The following ATRNL1 variants were observed in gnomAD, a reference collection of about 807,000 sequenced individuals.
ATRNL1 encodes the protein attractin like 1.
In ATRNL1, 95 loss-of-function variants were observed where a neutral mutation model predicts 182.7. That is an observed-to-expected ratio of 0.52 (90% CI 0.44 to 0.62). The LOEUF (loss-of-function observed/expected upper bound fraction) is 0.62, where lower values mean the gene tolerates loss of function less well. Ranked by LOEUF, ATRNL1 falls within the 20% of genes least tolerant of loss-of-function variation. The pLI is 0.00. For missense variants in ATRNL1, 1,471 were observed against 1,679.5 expected (o/e 0.88, Z 2.17); for synonymous variants, 576 against 568.3 (o/e 1.01, Z -0.19).
intron 26 of ATRNL1, among the ~76,000 whole-genome samples, chr10:115,567,210 A>G (rs1465930105): frequency 6.6e-6 from 1 of 152,178 alleles, no homozygotes; most frequent in Non-Finnish European, 1.5e-5. Context: ...TAGCTAGGTG[A>G]TTATTATCTA....
intron 9 of ATRNL1, among the ~76,000 whole-genome samples, chr10:115,239,475 G>T (rs112450176): frequency 0.022 from 3,394 of 152,036 alleles, 48 homozygotes; most frequent in South Asian, 0.035. Flanking sequence ...ATCGTGATTC[G>T]CCCACTTCGG....
intron 7 of ATRNL1, among the ~76,000 whole-genome samples, chr10:115,167,593 C>T (rs1847105248): frequency 6.6e-6 from 1 of 151,704 alleles, no homozygotes; most frequent in African/African-American, 2.4e-5. Context: ...GCTAGGCTGT[C>T]TAAATATGAA....
chr10:115,729,225 C>G (rs2134066174), intron 27 of ATRNL1, among the ~76,000 whole-genome samples: 1 of 152,060 alleles, frequency 6.6e-6, no homozygotes, highest in Non-Finnish European at 1.5e-5. Flanking sequence ...TCTATTTTTT[C>G]CAAATGTTGG....
At chr10:115,350,846 G>A (rs1362782621) in intron 19 of ATRNL1, among the ~76,000 whole-genome samples, 1 of 151,978 alleles carries the variant, frequency 6.6e-6, no homozygotes, top group Non-Finnish European at 1.5e-5. Context: ...TTAATCTGTA[G>A]ATACCTTTGG....
chr10:115,825,683 C>A (rs963240483), intron 27 of ATRNL1, among the ~76,000 whole-genome samples: 2 of 152,146 alleles, frequency 1.3e-5, no homozygotes, highest in African/African-American at 4.8e-5. Context: ...TTAACCATGT[C>A]AAGCTGCATG....
At chr10:115,240,951 C>T (rs1850395744) in intron 9 of ATRNL1, among the ~76,000 whole-genome samples, 1 of 151,932 alleles carries the variant, frequency 6.6e-6, no homozygotes, top group African/African-American at 2.4e-5. Flanking sequence ...TCAATGAGTG[C>T]AATCTATAGA....
rs1158746572 is a variant in ATRNL1 at position 115,568,640 on chromosome 10, A to C, written c.3795+19104A>C. Among the ~76,000 whole-genome samples the C allele has an allele frequency of 3.3e-5, 5 of 152,056 alleles. No individual in the cohort carries two copies. In the East Asian group the frequency reaches 9.6e-4, roughly 29 times the overall value. On this transcript the variant is annotated intron_variant, in intron 26 of 28. Coordinates refer to ENST00000355044, the MANE Select transcript of ATRNL1 (RefSeq NM_207303.4). ...GCAAGAATGTGAGGTAGTGCATAAAAAACAAATGTAGGTTCTTCTATACTA... is the reference window on the plus strand; with the variant it reads ...GCAAGAATGTGAGGTAGTGCATAAACAACAAATGTAGGTTCTTCTATACTA...
chr10:115,161,868 A>T (rs1846802060), intron 6 of ATRNL1, among the ~76,000 whole-genome samples: 1 of 152,114 alleles, frequency 6.6e-6, no homozygotes, highest in East Asian at 1.9e-4. Flanking sequence ...AGGATAAGTC[A>T]TAACTTGATT....
At chr10:115,242,723 A>G (rs1166528404) in intron 10 of ATRNL1, among the ~76,000 whole-genome samples, 1 of 152,092 alleles carries the variant, frequency 6.6e-6, no homozygotes, top group Non-Finnish European at 1.5e-5. Context: ...TTTTACTATT[A>G]CAGTTGTTTC....
chr10:115,236,391 C>T (rs930214293), intron 9 of ATRNL1, among the ~76,000 whole-genome samples: 20 of 152,146 alleles, frequency 1.3e-4, no homozygotes, highest in African/African-American at 4.8e-4. Flanking sequence ...TTTTGCCTTC[C>T]CCTCTTTCAC....
chr10:115,471,899 T>C (rs1848328407), intron 24 of ATRNL1, among the ~76,000 whole-genome samples: 1 of 150,974 alleles, frequency 6.6e-6, no homozygotes, highest in Non-Finnish European at 1.5e-5. Flanking sequence ...GAACTTTTGG[T>C]ATTATATCCA....
At chr10:115,664,738 A>T (rs1555039172) in intron 26 of ATRNL1, among the ~76,000 whole-genome samples, 3 of 152,116 alleles carry the variant, frequency 2.0e-5, no homozygotes, top group Admixed American at 6.6e-5. Flanking sequence ...TATAGAAAAA[A>T]ATCAATATTT....
intron 20 of ATRNL1, among the ~76,000 whole-genome samples, chr10:115,421,246 A>T (rs1452165335): frequency 4.6e-5 from 7 of 152,212 alleles, no homozygotes; most frequent in African/African-American, 1.7e-4. Context: ...AAAGTATAAA[A>T]TAAAACTACA....
intron 9 of ATRNL1, among the ~76,000 whole-genome samples, chr10:115,221,568 G>A (rs1264427006): frequency 6.6e-6 from 1 of 152,112 alleles, no homozygotes; most frequent in Admixed American, 6.6e-5. Context: ...CAGAGATTTA[G>A]GAGAGGTACA....
intron 8 of ATRNL1, among the ~76,000 whole-genome samples, chr10:115,211,826 C>A (rs761329153): frequency 3.0e-4 from 44 of 147,962 alleles, no homozygotes; most frequent in South Asian, 2.2e-4. Context: ...GTGTTCTCAT[C>A]GTTCAATTCC....
In ATRNL1 at chr10:115,286,281, G is replaced by A. The variant is rs972543027; in HGVS notation, c.2299G>A (p.Glu767Lys). 3 of 1,599,132 alleles carry A rather than the reference G, an allele frequency of 1.9e-6. No individual in the cohort carries two copies. Among genetic ancestry groups the A allele is most frequent in the Non-Finnish European group, 2.6e-6 (3 of 1,167,396 alleles). The change falls in exon 15 of 29, where the codon GAA becomes AAA. Residue 767 changes from glutamate (E) to lysine (K), a missense_variant. By Grantham distance (56) the Glu-to-Lys change is moderately conservative. Transcript: ENST00000355044. Reference sequence around the variant, plus strand: ...TTGTCTTAGAGTCAATTCCAGTAGAGAAAACTATGACAATGCAAAACTTTA... The same window carrying A: ...TTGTCTTAGAGTCAATTCCAGTAGAAAAAACTATGACAATGCAAAACTTTA... ...DACLRVNSSR[E>K]NYDNAKLYCY... is the part of the protein sequence containing the mutation.
intron 21 of ATRNL1, among the ~76,000 whole-genome samples, chr10:115,454,367 C>G (rs633750): frequency 0.1 from 15,190 of 151,850 alleles, 2,501 homozygotes; most frequent in African/African-American, 0.34. Context: ...TGGTCAGAAT[C>G]GTTTTGACTA....
At chr10:115,146,580 T>C (rs1438696873) in intron 5 of ATRNL1, among the ~76,000 whole-genome samples, 2 of 152,098 alleles carry the variant, frequency 1.3e-5, no homozygotes, top group African/African-American at 2.4e-5. Context: ...CTTCTAACTA[T>C]ATGTTTGTAT....
chr10:115,558,620 C>T (rs1218129228), intron 26 of ATRNL1, among the ~76,000 whole-genome samples: 5 of 152,088 alleles, frequency 3.3e-5, no homozygotes, highest in African/African-American at 1.2e-4. Context: ...TAATTGGCCT[C>T]AGGTTCCCTG....
Sources: allele counts gnomAD v4.1 joint callset (sites outside exome capture counted in the v4.1 genomes callset), GRCh38; gene constraint gnomAD v4.1.1; transcripts MANE v1.5; gene names NCBI Gene and HGNC (gene_info 2026-07-23, HGNC 2026-07-21).